Variants in OR51B5 observed in about 807,000 individuals in gnomAD.
OR51B5 encodes olfactory receptor family 51 subfamily B member 5.
For missense variants in OR51B5, 456 were observed against 374.6 expected, an observed-to-expected ratio of 1.22 and a Z score of -1.79; for synonymous variants, 186 against 144.8, an observed-to-expected ratio of 1.28 and a Z score of -2.04.
At chr11:5,352,232 A>T (rs368360716) in intron 1 of OR51B5, 2 of 1,614,030 alleles carry the variant, frequency 1.2e-6, no homozygotes, top group Non-Finnish European at 1.7e-6. Context: ...TGTGTCTCTC[A>T]TATCTGCTGC....
chr11:5,484,056 C>G (rs1851465913), intron 1 of OR51B5, among the ~76,000 whole-genome samples: 1 of 152,190 alleles, frequency 6.6e-6, no homozygotes, highest in South Asian at 2.1e-4. Flanking sequence ...CACACAGTTT[C>G]ACCCTCATAC....
rs551690969 is a variant in OR51B5 at position 5,359,876 on chromosome 11, A to C, written n.85-12966T>G. On this transcript the variant is annotated intron_variant and non_coding_transcript_variant, in intron 1 of 4. Transcript: ENST00000415970. The stretch of plus-strand genomic sequence containing the variant: ...CCATCTGATCTTTGACAAACCTGAC[A>C]AAAAAAACAAATGGGGAAAGGATTC... Among the ~76,000 whole-genome samples the C allele has an allele frequency of 1.1e-3, 169 of 151,686 alleles. 1 individual carries two copies. The highest frequency in any genetic ancestry group is 3.9e-3 in the African/African-American group (160 of 41,254).
chr11:5,360,776 C>T (rs12285970), intron 1 of OR51B5, among the ~76,000 whole-genome samples: 76,202 of 139,506 alleles, frequency 0.55, 21,418 homozygotes, highest in South Asian at 0.66. Flanking sequence ...ATTAAGAAAA[C>T]GTGGCACATA....
chr11:5,496,911 C>A (rs1267938751), intron 1 of OR51B5, among the ~76,000 whole-genome samples: 1 of 152,180 alleles, frequency 6.6e-6, no homozygotes, highest in Admixed American at 6.5e-5. Context: ...TCCTAGACAG[C>A]ACTTCATTAG....
intron 1 of OR51B5, chr11:5,468,671 A>T (rs1382126085): frequency 2.2e-5 from 10 of 456,462 alleles, no homozygotes; most frequent in Admixed American, 2.3e-5. Context: ...GAAGATCAGC[A>T]CTGCATAGAT....
intron 1 of OR51B5, chr11:5,455,568 A>AGAGAGAGAGAGAAAGAGAAAGATAGAG (rs531763892): frequency 7.4e-6 from 1 of 135,318 alleles, no homozygotes; most frequent in East Asian, 2.1e-4. Flanking sequence ...AAGGGGGGAG[A>AGAGAGAGAGAGAAAGAGAAAGATAGAG]GAGAGAGAGA....
chr11:5,449,668 C>T (rs576968687), intron 1 of OR51B5, among the ~76,000 whole-genome samples: 74 of 152,280 alleles, frequency 4.9e-4, no homozygotes, highest in African/African-American at 1.8e-3. Flanking sequence ...GGCTCATTAA[C>T]ATTGCTGCAA....
At chr11:5,467,136 T>C (rs1564823038) in intron 1 of OR51B5, among the ~76,000 whole-genome samples, 1 of 152,212 alleles carries the variant, frequency 6.6e-6, no homozygotes, top group Non-Finnish European at 1.5e-5. Context: ...CTGCAAGTAT[T>C]GTTCCCAGTT....
At chr11:5,453,836 G>A in intron 1 of OR51B5, 12 of 1,614,178 alleles carry the variant, frequency 7.4e-6, no homozygotes, top group Non-Finnish European at 1.0e-5. Context: ...GTATTCTGCT[G>A]GCCATGAGTT....
intron 1 of OR51B5, among the ~76,000 whole-genome samples, chr11:5,363,705 G>T (rs58281762): frequency 0.031 from 4,770 of 152,264 alleles, 248 homozygotes; most frequent in African/African-American, 0.11. Context: ...CTTGTGTTTG[G>T]ACTTGTGAAG....
At chr11:5,345,161 T>C (rs1010870365), upstream of OR51B5, among the ~76,000 whole-genome samples, 1 of 152,148 alleles carries the variant, frequency 6.6e-6, no homozygotes, top group African/African-American at 2.4e-5. Context: ...ACTATAAATG[T>C]AGTAAAGACA....
chr11:5,354,049 C>T (rs1849146701), intron 1 of OR51B5, among the ~76,000 whole-genome samples: 1 of 152,086 alleles, frequency 6.6e-6, no homozygotes, highest in Non-Finnish European at 1.5e-5. Context: ...TTATTCCCTA[C>T]TGTATTACAG....
chr11:5,436,369 G>A (rs1361239222), intron 1 of OR51B5, among the ~76,000 whole-genome samples: 1 of 152,232 alleles, frequency 6.6e-6, no homozygotes. Flanking sequence ...GTTCTGGAAG[G>A]AGAATGTCAG....
chr11:5,361,114 A>C (rs2467228), intron 1 of OR51B5, among the ~76,000 whole-genome samples: 57,604 of 151,840 alleles, frequency 0.38, 11,163 homozygotes, highest in Non-Finnish European at 0.41. Flanking sequence ...ACGTTGTGCA[A>C]ATGTACCCTA....
At chr11:5,379,402 T>A (rs1849576731) in intron 1 of OR51B5, among the ~76,000 whole-genome samples, 1 of 151,954 alleles carries the variant, frequency 6.6e-6, no homozygotes, top group South Asian at 2.1e-4. Flanking sequence ...ATGGCACATG[T>A]ATACATATGT....
At chr11:5,389,914 C>G in intron 1 of OR51B5, 1 of 1,611,796 alleles carries the variant, frequency 6.2e-7, no homozygotes. Context: ...TCCCTATTGT[C>G]CTCCTCCTGA....
At chr11:5,494,205 T>C (rs749746151) in intron 1 of OR51B5, among the ~76,000 whole-genome samples, 1 of 152,246 alleles carries the variant, frequency 6.6e-6, no homozygotes, top group Non-Finnish European at 1.5e-5. Flanking sequence ...TGCATTAATG[T>C]GTGGCAAGAA....
At chr11:5,499,367 CTT>C (rs1851689685) in intron 1 of OR51B5, among the ~76,000 whole-genome samples, 2 of 145,068 alleles carry the variant, frequency 1.4e-5, no homozygotes, top group African/African-American at 5.1e-5. Context: ...GGGCCCCACT[CTT>C]GTTTCTGTCT....
At chr11:5,438,885 T>C (rs1297921786) in intron 1 of OR51B5, among the ~76,000 whole-genome samples, 1 of 152,116 alleles carries the variant, frequency 6.6e-6, no homozygotes, top group Non-Finnish European at 1.5e-5. Flanking sequence ...AGGTAAACGC[T>C]TGGTAAACAA....
Sources: gnomAD v4.1 joint callset for allele counts (sites outside exome capture counted in the v4.1 genomes callset) on GRCh38, gnomAD v4.1.1 for gene constraint, MANE v1.5 for transcripts, NCBI Gene and HGNC (gene_info 2026-07-23, HGNC 2026-07-21) for gene names.